Variants in GPHN observed in about 807,000 individuals in gnomAD.
GPHN encodes gephyrin.
Under a neutral mutation model 95.5 loss-of-function variants are expected in GPHN, and 17 were observed. The observed-to-expected ratio is 0.18, with a 90% CI of 0.12 to 0.27. GPHN has a LOEUF of 0.27. Ranked by LOEUF, GPHN falls within the 10% of genes least tolerant of loss-of-function variation. The pLI is 1.00. For synonymous variants in GPHN, 320 were observed against 322.5 expected (o/e 0.99, Z 0.08); for missense variants, 660 against 978.1 (o/e 0.67, Z 4.34).
the GPHN span, among the ~76,000 whole-genome samples, chr14:67,330,706 C>T: frequency 6.6e-6 from 1 of 152,062 alleles, no homozygotes. Context: ...GATCCACCTG[C>T]CTCAGCCTTC....
chr14:67,184,490 G>A (rs75652906), downstream of GPHN, among the ~76,000 whole-genome samples: 184 of 152,298 alleles, frequency 1.2e-3, 5 homozygotes, highest in East Asian at 0.034. Flanking sequence ...AGATGGATAC[G>A]TCTCTGGAGA....
chr14:67,692,834 T>C, the GPHN span: 7 of 1,011,890 alleles, frequency 6.9e-6, no homozygotes, highest in African/African-American at 1.6e-5. Context: ...TTAGGTGTTC[T>C]TGAATTCCAA....
At chr14:66,929,826 C>G (rs2066686628) in intron 8 of GPHN, among the ~76,000 whole-genome samples, 1 of 152,074 alleles carries the variant, frequency 6.6e-6, no homozygotes, top group South Asian at 2.1e-4. Flanking sequence ...ATTCTCCTGC[C>G]TCAGCCTCCT....
the GPHN span, among the ~76,000 whole-genome samples, chr14:67,192,863 T>TATATAGATATATAGATATATATCTAG: frequency 6.8e-6 from 1 of 146,626 alleles, no homozygotes; most frequent in African/African-American, 2.5e-5. Context: ...TATACAGATA[T>TATATAGATATATAGATATATATCTAG]ATATAGATAT....
At chr14:67,425,180 C>G in the GPHN span, among the ~76,000 whole-genome samples, 1 of 152,132 alleles carries the variant, frequency 6.6e-6, no homozygotes, top group Non-Finnish European at 1.5e-5. Flanking sequence ...AAACTCTGGG[C>G]TCAAGTGATC....
chr14:67,566,075 C>T, the GPHN span, among the ~76,000 whole-genome samples: 1,681 of 152,280 alleles, frequency 0.011, 16 homozygotes, highest in Non-Finnish European at 0.016. Flanking sequence ...GCTGAGATTG[C>T]GCCACTGCAC....
chr14:67,301,400 T>A, the GPHN span: 1 of 1,609,474 alleles, frequency 6.2e-7, no homozygotes, highest in Non-Finnish European at 8.5e-7. Flanking sequence ...TACAAACTGT[T>A]TTGAAGCCAG....
At chr14:66,657,000 G>A (rs2065343721) in intron 1 of GPHN, among the ~76,000 whole-genome samples, 1 of 152,188 alleles carries the variant, frequency 6.6e-6, no homozygotes, top group Non-Finnish European at 1.5e-5. Flanking sequence ...GCCAAAACAG[G>A]TCAAAAGCTA....
At chr14:67,470,729 G>A in the GPHN span, 1 of 152,446 alleles carries the variant, frequency 6.6e-6, no homozygotes, top group Admixed American at 6.6e-5. Context: ...TTGAAGAGGG[G>A]ACAGGGCACA....
intron 12 of GPHN, among the ~76,000 whole-genome samples, chr14:67,092,389 G>A (rs183165604): frequency 2.0e-5 from 3 of 152,026 alleles, no homozygotes; most frequent in Admixed American, 1.3e-4. Context: ...CTTTACTCTG[G>A]TTCCTTTCTC....
At chr14:67,393,406 T>G in the GPHN span, among the ~76,000 whole-genome samples, 1 of 152,170 alleles carries the variant, frequency 6.6e-6, no homozygotes, top group Non-Finnish European at 1.5e-5. Context: ...GCAAGAGTGA[T>G]GCCATCTTGA....
At chr14:67,371,514 A>G in the GPHN span, among the ~76,000 whole-genome samples, 1 of 152,156 alleles carries the variant, frequency 6.6e-6, no homozygotes, top group Non-Finnish European at 1.5e-5. Flanking sequence ...ATGTCTTATC[A>G]TGCAAATTTC....
At chr14:67,292,685 C>G in the GPHN span, 2 of 1,613,664 alleles carry the variant, frequency 1.2e-6, no homozygotes, top group Non-Finnish European at 1.7e-6. Flanking sequence ...CCTCCATTTC[C>G]TCTTATCTCC....
the GPHN span, among the ~76,000 whole-genome samples, chr14:67,372,366 C>G: frequency 1.3e-5 from 2 of 152,076 alleles, no homozygotes; most frequent in Non-Finnish European, 2.9e-5. Context: ...TCTTTCTGAC[C>G]TTGGATTAGG....
At chr14:67,137,009 T>C (rs1283223656) in intron 17 of GPHN, among the ~76,000 whole-genome samples, 3 of 151,916 alleles carry the variant, frequency 2.0e-5, no homozygotes, top group Non-Finnish European at 2.9e-5. Context: ...ATACAAAAAA[T>C]TGCCAAGCAT....
chr14:67,332,923 A>G, the GPHN span: 2 of 1,613,130 alleles, frequency 1.2e-6, no homozygotes. Flanking sequence ...TTGATACTGA[A>G]CCTCAGTGGG....
the GPHN span, chr14:67,352,876 C>T: frequency 7.5e-7 from 1 of 1,337,034 alleles, no homozygotes; most frequent in Non-Finnish European, 1.0e-6. Flanking sequence ...AAGGGCCATG[C>T]TGGATTTTTC....
the GPHN span, among the ~76,000 whole-genome samples, chr14:67,409,546 C>A: frequency 6.6e-6 from 1 of 152,212 alleles, no homozygotes; most frequent in African/African-American, 2.4e-5. Flanking sequence ...GCTTCTGTCT[C>A]TTCTCCCAGG....
At chr14:66,686,530 C>A (rs1238602941) in intron 2 of GPHN, among the ~76,000 whole-genome samples, 1 of 152,146 alleles carries the variant, frequency 6.6e-6, no homozygotes, top group African/African-American at 2.4e-5. Context: ...TGGGAGTTCA[C>A]TCATGATTTG....
Sources: gnomAD v4.1 joint callset for allele counts (sites outside exome capture counted in the v4.1 genomes callset) on GRCh38, gnomAD v4.1.1 for gene constraint, MANE v1.5 for transcripts, NCBI Gene and HGNC (gene_info 2026-07-23, HGNC 2026-07-21) for gene names.